The following CA5A variants were observed in gnomAD, a reference collection of about 807,000 sequenced individuals.
CA5A encodes carbonic anhydrase 5A, mitochondrial.
Under a neutral mutation model 37.1 loss-of-function variants are expected in CA5A, and 28 were observed. The ratio of observed to expected loss-of-function variants is 0.75; its 90% CI spans 0.56 to 1.03. The LOEUF is 1.03. Among genes scored for constraint, CA5A ranks in the 50% least tolerant of loss-of-function variants. The probability of loss-of-function intolerance (pLI) is 0.00; values close to 1 mark genes in which losing one functional copy is unlikely to be tolerated. For missense variants in CA5A, 444 were observed against 399.9 expected (o/e 1.11, Z -0.94); for synonymous variants, 171 against 158.4 (o/e 1.08, Z -0.60).
At chr16:87,917,118 A>G (rs1026319805) in intron 2 of CA5A, among the ~76,000 whole-genome samples, 3 of 76,390 alleles carry the variant, frequency 3.9e-5, no homozygotes, top group Admixed American at 1.0e-4. Context: ...AAAAAAAAAA[A>G]AAAGAAAAGA....
chr16:87,882,908 G>A (rs577027629), intron 4 of CA5A: 1 of 151,884 alleles, frequency 6.6e-6, no homozygotes, highest in Non-Finnish European at 1.5e-5. Flanking sequence ...CTTTATTTTG[G>A]GGGGGCGTGG....
intron 2 of CA5A, among the ~76,000 whole-genome samples, chr16:87,915,069 C>A (rs977132429): frequency 6.6e-6 from 1 of 152,254 alleles, no homozygotes; most frequent in Non-Finnish European, 1.5e-5. Flanking sequence ...CCCTCTTCAT[C>A]CACACAACTG....
exon 5 of CA5A, chr16:87,881,898 A>AT (rs1474378560): frequency 6.6e-6 from 1 of 152,064 alleles, no homozygotes; most frequent in East Asian, 1.9e-4. Flanking sequence ...GACAAAGGCC[A>AT]TTTTTCAGGA....
chr16:87,895,374 T>TCC (rs1567516461), intron 5 of CA5A, among the ~76,000 whole-genome samples: 5 of 151,878 alleles, frequency 3.3e-5, no homozygotes, highest in Non-Finnish European at 7.4e-5. Flanking sequence ...GGCGAAACCA[T>TCC]GTCTCTACTA....
chr16:87,918,448 G>A (rs1488589488), intron 2 of CA5A, among the ~76,000 whole-genome samples: 1 of 142,554 alleles, frequency 7.0e-6, no homozygotes, highest in African/African-American at 2.7e-5. Flanking sequence ...CACGCTCCCT[G>A]GAAAGAGCCC....
chr16:87,911,462 C>T lies in CA5A; in HGVS notation c.341-6558G>A, dbSNP rs1330948031. Reference sequence around the variant, plus strand: ...AAGATGAGCAGGCTTTTGGCAGGCACGGGTTGTTTGAAGGCTTAAAATTAG... The same window carrying T: ...AAGATGAGCAGGCTTTTGGCAGGCATGGGTTGTTTGAAGGCTTAAAATTAG... On this transcript the variant is annotated intron_variant, in intron 2 of 6. Transcript: ENST00000649794. The surrounding 1 kb of genome is among the most constrained non-coding windows in gnomAD (Gnocchi z 4.6). 9.9e-5 allele frequency among the ~76,000 whole-genome samples: 15 copies of T among 152,108 alleles called. No homozygotes were observed. The highest frequency in any genetic ancestry group is 2.9e-5 in the Non-Finnish European group (2 of 68,020).
At chr16:87,912,564 C>T (rs1050291886) in intron 2 of CA5A, among the ~76,000 whole-genome samples, 1 of 152,216 alleles carries the variant, frequency 6.6e-6, no homozygotes, top group African/African-American at 2.4e-5. Flanking sequence ...GTGCCGGGCA[C>T]CACGCTCAGT....
At chr16:87,919,605 C>T (rs1239065541) in intron 2 of CA5A, among the ~76,000 whole-genome samples, 2 of 152,164 alleles carry the variant, frequency 1.3e-5, no homozygotes, top group African/African-American at 2.4e-5. Flanking sequence ...TGGCAGTCGA[C>T]GACCCCTGCA....
Position 87,888,199 on chromosome 16 carries a change from G to C in CA5A, c.848C>G (p.Pro283Arg). 6.2e-7 allele frequency: 1 copy of C among 1,613,906 alleles called. No homozygotes were observed. Among genetic ancestry groups the C allele is most frequent in the Non-Finnish European group, 8.5e-7 (1 of 1,179,858 alleles). ...EEKMMVNNYR[P>R]LQPLMNRKVW... The stretch of plus-strand genomic sequence containing the variant: ...CTTCCGGTTCATCAAGGGTTGAAGT[G>C]GGCGATAGTTGTTCACCATCATCTT... Residue 283 changes from proline to arginine, a missense_variant, in exon 7 of 7, where the codon CCA (proline) becomes CGA (arginine). Transcript: ENST00000649794.
intron 1 of CA5A, 103 bp from the exon 2 acceptor site, chr16:87,927,048 G>T (rs1201406441): frequency 1.8e-5 from 15 of 821,328 alleles, no homozygotes; most frequent in Non-Finnish European, 2.7e-5. Flanking sequence ...TCACGTCCTG[G>T]CTCATGGGAA....
chr16:87,914,921 C>G (rs1393327673), intron 2 of CA5A, among the ~76,000 whole-genome samples: 1 of 152,220 alleles, frequency 6.6e-6, no homozygotes, highest in Non-Finnish European at 1.5e-5. Context: ...CTCGGCCTCC[C>G]GTCTTCGGAA....
At chr16:87,910,122 C>T (rs2056029367) in intron 2 of CA5A, among the ~76,000 whole-genome samples, 1 of 152,186 alleles carries the variant, frequency 6.6e-6, no homozygotes, top group Admixed American at 6.5e-5. Context: ...AACTGGAAGC[C>T]ACTGAAGCCT....
chr16:87,901,201 G>GCT (rs959203106), intron 5 of CA5A, among the ~76,000 whole-genome samples: 2 of 152,226 alleles, frequency 1.3e-5, no homozygotes, highest in Non-Finnish European at 2.9e-5. Context: ...CTGCATTCCA[G>GCT]CCTGAGTGAC....
chr16:87,928,760 GTTTTTTT>G (rs60994571), intron 1 of CA5A, among the ~76,000 whole-genome samples: 2 of 57,924 alleles, frequency 3.5e-5, no homozygotes, highest in Non-Finnish European at 3.0e-5. Flanking sequence ...TCTTTTCTTT[GTTTTTTT>G]TTTTTTTTTT....
At chr16:87,901,784 T>C in intron 5 of CA5A, 128 bp downstream of exon 5, 1 of 631,704 alleles carries the variant, frequency 1.6e-6, no homozygotes, top group South Asian at 1.5e-5. Flanking sequence ...ACGGGGTTTC[T>C]CCATGTTGGT....
intron 2 of CA5A, chr16:87,923,732 T>C (rs2056262112): frequency 3.0e-6 from 3 of 985,098 alleles, no homozygotes; most frequent in African/African-American, 3.5e-5. Flanking sequence ...AAGTTTATAC[T>C]TTACGACTTA....
intron 2 of CA5A, among the ~76,000 whole-genome samples, chr16:87,926,456 C>A (rs923890096): frequency 6.6e-6 from 1 of 152,360 alleles, no homozygotes; most frequent in East Asian, 1.9e-4. Context: ...TCCTCCCACC[C>A]GCTGCAAGGC....
chr16:87,929,871 CAAAAAAAA>C (rs58941982), intron 1 of CA5A, among the ~76,000 whole-genome samples: 38 of 62,344 alleles, frequency 6.1e-4, no homozygotes, highest in African/African-American at 2.1e-3. Context: ...GACTCCGTCT[CAAAAAAAA>C]AAAAAAAAAA....
intron 2 of CA5A, among the ~76,000 whole-genome samples, chr16:87,926,527 G>A (rs7501216): frequency 0.17 from 25,635 of 152,258 alleles, 2,316 homozygotes; most frequent in Admixed American, 0.24. Flanking sequence ...AGGTGCCGGC[G>A]GTATTCTCAT....
Sources: allele counts gnomAD v4.1 joint callset (sites outside exome capture counted in the v4.1 genomes callset), GRCh38; gene constraint gnomAD v4.1.1; non-coding constraint Gnocchi (gnomAD v3.1); transcripts MANE v1.5; gene names NCBI Gene and HGNC (gene_info 2026-07-23, HGNC 2026-07-21).